Variants in TSPAN14 observed in about 807,000 individuals in gnomAD.
TSPAN14 encodes the protein tetraspanin-14.
In TSPAN14, 16 loss-of-function variants were observed where a neutral mutation model predicts 36.6. The observed-to-expected ratio is 0.44, with a 90% CI of 0.30 to 0.66. The LOEUF is 0.66. Ranked by LOEUF, TSPAN14 falls within the 30% of genes least tolerant of loss-of-function variation. The pLI is 0.12. For synonymous variants in TSPAN14, 139 were observed against 143.8 expected, an observed-to-expected ratio of 0.97 and a Z score of 0.24; for missense variants, 231 against 355.1, an observed-to-expected ratio of 0.65 and a Z score of 2.81.
intron 8 of TSPAN14, 31 bp from the exon 9 acceptor site, chr10:80,517,874 T>C: frequency 6.4e-7 from 1 of 1,551,060 alleles, no homozygotes; most frequent in Non-Finnish European, 8.7e-7. Context: ...GCCCCAGCAA[T>C]GGCCGCTGAC....
exon 9 of TSPAN14, chr10:80,520,289 T>C (rs1841191087): frequency 4.1e-6 from 1 of 245,486 alleles, no homozygotes; most frequent in Admixed American, 5.2e-5. Context: ...GGTTTATCTT[T>C]CAACTATAGA....
chr10:80,514,446 G>A (rs867285052), intron 7 of TSPAN14, among the ~76,000 whole-genome samples: 13 of 152,278 alleles, frequency 8.5e-5, no homozygotes, highest in South Asian at 6.2e-4. Flanking sequence ...GCCTCCGTGT[G>A]GAGGCAGTAG....
intron 2 of TSPAN14, among the ~76,000 whole-genome samples, 169 bp from the exon 3 acceptor site, chr10:80,504,559 T>C (rs1840183339): frequency 6.6e-6 from 1 of 152,230 alleles, no homozygotes; most frequent in South Asian, 2.1e-4. Flanking sequence ...TGTCCAGATA[T>C]TCAGGAAGGT....
chr10:80,486,054 C>T (rs547670334), intron 1 of TSPAN14, among the ~76,000 whole-genome samples: 7 of 152,016 alleles, frequency 4.6e-5, no homozygotes, highest in Admixed American at 2.0e-4. Flanking sequence ...AGTGTAGTTT[C>T]GAGTGTTGAT....
intron 1 of TSPAN14, among the ~76,000 whole-genome samples, chr10:80,481,450 T>C (rs1435767619): frequency 6.6e-6 from 1 of 152,140 alleles, no homozygotes; most frequent in African/African-American, 2.4e-5. Flanking sequence ...AATGAAATCA[T>C]GTGTTATGTT....
chr10:80,465,589 C>T (rs572019442), intron 1 of TSPAN14, among the ~76,000 whole-genome samples: 6 of 152,318 alleles, frequency 3.9e-5, no homozygotes, highest in African/African-American at 1.4e-4. Context: ...ACAGAGTATC[C>T]CCTCTTACTG....
chr10:80,468,657 C>A (rs938107037), intron 1 of TSPAN14: 2 of 152,006 alleles, frequency 1.3e-5, no homozygotes, highest in Non-Finnish European at 2.9e-5. Flanking sequence ...CCATCCAGAT[C>A]AGCTGAATCA....
At chr10:80,516,433 C>A (rs1840945488) in intron 8 of TSPAN14, 110 bp downstream of exon 8, 30 of 1,492,516 alleles carry the variant, frequency 2.0e-5, no homozygotes, top group Non-Finnish European at 2.6e-5. Flanking sequence ...AGGAAGCTTG[C>A]AGAAGAAAAA....
intron 1 of TSPAN14, among the ~76,000 whole-genome samples, chr10:80,488,142 G>T (rs1847724645): frequency 6.6e-6 from 1 of 152,176 alleles, no homozygotes; most frequent in Non-Finnish European, 1.5e-5. Flanking sequence ...TGGGGGGTGA[G>T]CAGGGGGCTG....
chr10:80,514,083 C>T lies in TSPAN14; in HGVS notation c.621+20C>T. ...ATTCAGGTGAGAACTCCCATGTATA[C>T]AACTTGAAGAGTTCTTTAGGTTTTA... On this transcript the variant is annotated intron_variant, in intron 7 of 8. Transcript: ENST00000429989. 6.2e-7 allele frequency: 1 copy of T among 1,604,976 alleles called. No individual in the cohort carries two copies. Among genetic ancestry groups the T allele is most frequent in the Non-Finnish European group, 8.5e-7 (1 of 1,172,092 alleles).
chr10:80,504,701 C>G, intron 2 of TSPAN14, 27 bp from the exon 3 acceptor site: 1 of 1,614,022 alleles, frequency 6.2e-7, no homozygotes. Context: ...ACCTAACTTC[C>G]TTCTCTCTTT....
intron 1 of TSPAN14, among the ~76,000 whole-genome samples, chr10:80,487,867 A>G (rs988030649): frequency 1.3e-5 from 2 of 152,246 alleles, no homozygotes; most frequent in South Asian, 4.1e-4. Context: ...GTGCCCGTCA[A>G]TTCCACACCG....
chr10:80,508,657 C>A (rs1029518978), intron 4 of TSPAN14, among the ~76,000 whole-genome samples: 1 of 152,166 alleles, frequency 6.6e-6, no homozygotes, highest in South Asian at 2.1e-4. Context: ...CATATACTTT[C>A]ATGCAGAGTT....
intron 2 of TSPAN14, among the ~76,000 whole-genome samples, chr10:80,500,385 A>G (rs1848440005): frequency 8.5e-6 from 1 of 118,320 alleles, no homozygotes. Flanking sequence ...GCTGGAGTGC[A>G]ATGGCGTGAT....
chr10:80,520,808 CCTT>C (rs760012259), exon 9 of TSPAN14: 7 of 533,362 alleles, frequency 1.3e-5, no homozygotes, highest in East Asian at 1.1e-4. Context: ...TCAACTCTGG[CCTT>C]CTTCAGCCTC....
chr10:80,496,570 A>G (rs1196553770), intron 2 of TSPAN14, among the ~76,000 whole-genome samples: 2 of 152,154 alleles, frequency 1.3e-5, no homozygotes, highest in Non-Finnish European at 2.9e-5. Flanking sequence ...TATGTTTTCA[A>G]ACGCACACCC....
intron 7 of TSPAN14, chr10:80,515,807 C>G (rs981219587): frequency 5.9e-6 from 1 of 170,290 alleles, no homozygotes; most frequent in African/African-American, 2.4e-5. Flanking sequence ...CCGAGAAGCA[C>G]CCTTCTTCTC....
intron 1 of TSPAN14, 92 bp from the exon 2 acceptor site, chr10:80,489,125 C>T (rs2132012435): frequency 1.5e-5 from 12 of 800,922 alleles, no homozygotes; most frequent in Middle Eastern, 4.9e-4. Flanking sequence ...GGGAAATGAT[C>T]GGGAGCTTTC....
At chr10:80,454,894 G>A (rs1319910804) in intron 1 of TSPAN14, among the ~76,000 whole-genome samples, 3 of 152,138 alleles carry the variant, frequency 2.0e-5, no homozygotes, top group African/African-American at 7.2e-5. Context: ...CTCCTGCCCC[G>A]CCGTGGTTGT....
Sources: gnomAD v4.1 joint callset for allele counts (sites outside exome capture counted in the v4.1 genomes callset) on GRCh38, gnomAD v4.1.1 for gene constraint, MANE v1.5 for transcripts, NCBI Gene and HGNC (gene_info 2026-07-23, HGNC 2026-07-21) for gene names.